RP1: variants seen among roughly 807,000 people sequenced by gnomAD.
RP1 encodes RP1 axonemal microtubule associated.
RP1 carries 16 observed loss-of-function variants against 14.8 expected under a neutral mutation model. That is an observed-to-expected ratio of 1.08 (90% confidence interval 0.73 to 1.65). The LOEUF (loss-of-function observed/expected upper bound fraction) is 1.65. RP1 is among the 40% of genes most tolerant of loss of function. The probability of loss-of-function intolerance (pLI) is 0.00; values close to 1 mark genes in which losing one functional copy is unlikely to be tolerated. For missense variants in RP1, 2,631 were observed against 2,535.0 expected (o/e 1.04, Z -0.81); for synonymous variants, 876 against 883.6 (o/e 0.99, Z 0.15).
intron 1 of RP1, among the ~76,000 whole-genome samples, chr8:54,598,123 A>G (rs1210082627): frequency 6.6e-6 from 1 of 152,202 alleles, no homozygotes; most frequent in East Asian, 1.9e-4. Context: ...ATATGAGTTC[A>G]TTACCAATAA....
chr8:54,720,066 G>C lies in RP1; in HGVS notation c.2212-63G>C, dbSNP rs1168438053. 8.8e-6 allele frequency: 11 copies of C among 1,247,490 alleles called. No individual in the cohort carries two copies. The Admixed American group carries it at 1.5e-4, about 17-fold the overall frequency. The allele number at this position is 1,247,490 out of a possible 1,614,324, so 77.3% of individuals were successfully genotyped here. ...AAAATTATATTCTTTTAAAACGACT[G>C]GTTTTAAATTCTGTCTTTTAGGACT... On this transcript the variant is annotated intron_variant, in intron 15 of 22. Transcript: ENST00000636932.
At chr8:54,605,439 G>C (rs937103329) in intron 1 of RP1, among the ~76,000 whole-genome samples, 3 of 152,154 alleles carry the variant, frequency 2.0e-5, no homozygotes, top group African/African-American at 7.2e-5. Flanking sequence ...TACATTTGCT[G>C]AGAAGTGCTT....
At chr8:54,693,126 G>T (rs572155215) in intron 12 of RP1, among the ~76,000 whole-genome samples, 45 of 152,230 alleles carry the variant, frequency 3.0e-4, no homozygotes, top group African/African-American at 1.1e-3. Flanking sequence ...TCAGATGGTT[G>T]TAGATATGAG....
exon 7 of RP1, chr8:54,663,740 A>G (rs1434718867): frequency 2.6e-6 from 4 of 1,533,906 alleles, no homozygotes; most frequent in African/African-American, 1.4e-5. Flanking sequence ...TGAGCTATGG[A>G]ATGCTGGAAC....
rs938121068 is a variant in RP1, at chr8:54,701,743, A to G, written c.1998+81A>G. On this transcript the variant is annotated intron_variant, in intron 14 of 22. Transcript: ENST00000636932. ...CCTATTGAGCAAAAGTCTTAAATTG[A>G]GTCATAATGCAGTAATCGAATCACT... is the stretch of plus-strand genomic sequence containing the variant. 8.6e-6 allele frequency: 11 copies of G among 1,281,248 alleles called. No homozygotes were observed. The Admixed American group carries it at 1.8e-4, about 20-fold the overall frequency. 79.4% of individuals were successfully genotyped at this position (1,281,248 alleles called of 1,614,324 possible). A position where few individuals can be genotyped will look rare whatever the true frequency, so the allele number is the denominator to read the frequency against.
At chr8:54,756,535 T>C (rs1206753211) in intron 21 of RP1, among the ~76,000 whole-genome samples, 1 of 152,214 alleles carries the variant, frequency 6.6e-6, no homozygotes, top group Non-Finnish European at 1.5e-5. Flanking sequence ...TTCATCAGAA[T>C]GAATAGGAAA....
intron 26 of RP1, among the ~76,000 whole-genome samples, chr8:54,854,342 T>C (rs924030472): frequency 6.6e-6 from 1 of 152,098 alleles, no homozygotes; most frequent in African/African-American, 2.4e-5. Context: ...CAGAAACATA[T>C]CCACACATCC....
At chr8:54,800,760 A>C (rs1753792729) in intron 24 of RP1, among the ~76,000 whole-genome samples, 1 of 152,168 alleles carries the variant, frequency 6.6e-6, no homozygotes, top group Non-Finnish European at 1.5e-5. Flanking sequence ...TATGTTGTCC[A>C]CATCTTCCAT....
At chr8:54,807,131 A>T (rs1235098280) in intron 24 of RP1, among the ~76,000 whole-genome samples, 1 of 152,176 alleles carries the variant, frequency 6.6e-6, no homozygotes, top group East Asian at 1.9e-4. Flanking sequence ...TCCACCTGTT[A>T]TGAGGTAGGA....
chr8:54,631,518 G>T (rs565604926), downstream of RP1, among the ~76,000 whole-genome samples: 1 of 151,776 alleles, frequency 6.6e-6, no homozygotes, highest in African/African-American at 2.4e-5. Context: ...CACTGTGAAT[G>T]TGGCTTTATT....
At chr8:54,858,214 A>AG (rs1184360074) in intron 27 of RP1, among the ~76,000 whole-genome samples, 2 of 152,238 alleles carry the variant, frequency 1.3e-5, no homozygotes, top group Non-Finnish European at 2.9e-5. Flanking sequence ...GAAGCAGAAA[A>AG]GGTGAGGTAG....
intron 3 of RP1, among the ~76,000 whole-genome samples, chr8:54,636,943 G>A (rs936704843): frequency 2.0e-5 from 3 of 152,174 alleles, no homozygotes; most frequent in African/African-American, 7.2e-5. Context: ...CCAAGAGAAA[G>A]TTCTCTAGAT....
At chr8:54,854,019 AG>A (rs1812128346) in intron 26 of RP1, among the ~76,000 whole-genome samples, 2 of 152,018 alleles carry the variant, frequency 1.3e-5, no homozygotes, top group South Asian at 2.1e-4. Flanking sequence ...AATGAAGGAA[AG>A]AAAATAAAAG....
At chr8:54,790,433 G>C (rs1159860254) in intron 24 of RP1, among the ~76,000 whole-genome samples, 2 of 152,102 alleles carry the variant, frequency 1.3e-5, no homozygotes, top group Non-Finnish European at 2.9e-5. Flanking sequence ...GGATCACAAA[G>C]AAGTTGTGGT....
At chr8:54,749,319 A>G (rs948745984) in intron 19 of RP1, among the ~76,000 whole-genome samples, 13 of 151,578 alleles carry the variant, frequency 8.6e-5, no homozygotes, top group African/African-American at 3.2e-4. Context: ...CAACAGAGCA[A>G]GACTCCATCT....
At chr8:54,632,053 G>A (rs1207746662), downstream of RP1, among the ~76,000 whole-genome samples, 1 of 151,962 alleles carries the variant, frequency 6.6e-6, no homozygotes, top group South Asian at 2.1e-4. Flanking sequence ...TGTTGGTTAG[G>A]CTGTTCTTGA....
intron 14 of RP1, among the ~76,000 whole-genome samples, chr8:54,703,404 TAA>T (rs1392824722): frequency 2.0e-5 from 3 of 152,192 alleles, no homozygotes; most frequent in Non-Finnish European, 4.4e-5. Flanking sequence ...AGTTATATTT[TAA>T]ATTGTTTTTC....
At chr8:54,679,906 G>C in exon 12 of RP1, 1 of 1,536,008 alleles carries the variant, frequency 6.5e-7, no homozygotes. Flanking sequence ...CACAGTTGAC[G>C]CCATTGGAGA....
At chr8:54,847,992 A>G (rs570355569) in intron 25 of RP1, among the ~76,000 whole-genome samples, 8 of 152,314 alleles carry the variant, frequency 5.3e-5, no homozygotes, top group African/African-American at 1.9e-4. Context: ...AAAAATATAT[A>G]TAGCTTTTGT....
Sources: allele counts gnomAD v4.1 joint callset (sites outside exome capture counted in the v4.1 genomes callset), GRCh38; gene constraint gnomAD v4.1.1; transcripts MANE v1.5; gene names NCBI Gene and HGNC (gene_info 2026-07-23, HGNC 2026-07-21).